Variants in PTPRD observed in about 807,000 individuals in gnomAD.
PTPRD encodes the protein receptor-type tyrosine-protein phosphatase delta.
In PTPRD, 34 loss-of-function variants were observed where a neutral mutation model predicts 214.5. That is an observed-to-expected ratio of 0.16 (90% CI 0.12 to 0.21). The LOEUF (loss-of-function observed/expected upper bound fraction) is 0.21, where lower values mean the gene tolerates loss of function less well. PTPRD is among the 10% of genes least tolerant of loss of function. The probability of loss-of-function intolerance (pLI) is 1.00; values close to 1 mark genes in which losing one functional copy is unlikely to be tolerated. For synonymous variants in PTPRD, 1,128 were observed against 845.7 expected, an observed-to-expected ratio of 1.33 and a Z score of -5.79; for missense variants, 2,545 against 2,398.7, an observed-to-expected ratio of 1.06 and a Z score of -1.27.
chr9:9,907,749 C>T (rs924337654), intron 5 of PTPRD, among the ~76,000 whole-genome samples: 11 of 151,894 alleles, frequency 7.2e-5, no homozygotes, highest in African/African-American at 2.4e-4. Context: ...CCACCATTTA[C>T]ACAATTAATC....
intron 11 of PTPRD, among the ~76,000 whole-genome samples, chr9:8,748,522 C>CAAAAAAAAAAAAAAAAAAAAAAAAAAAA (rs1239091825): frequency 2.6e-5 from 1 of 37,860 alleles, no homozygotes; most frequent in African/African-American, 7.2e-5. Context: ...CCTGCAACTG[C>CAAAAAAAAAAAAAAAAAAAAAAAAAAAA]AAAAAAAAAA....
At chr9:9,809,796 G>A (rs935645306) in intron 5 of PTPRD, among the ~76,000 whole-genome samples, 2 of 152,136 alleles carry the variant, frequency 1.3e-5, no homozygotes, top group Non-Finnish European at 2.9e-5. Flanking sequence ...ATCAGGGACA[G>A]GAAATCAGAA....
intron 7 of PTPRD, among the ~76,000 whole-genome samples, chr9:9,637,971 C>A (rs1028792732): frequency 1.1e-4 from 16 of 152,156 alleles, no homozygotes; most frequent in African/African-American, 3.6e-4. Flanking sequence ...ACAGCTCATG[C>A]CTTAGGTCCC....
chr9:10,242,277 T>C (rs2091230167), intron 3 of PTPRD, among the ~76,000 whole-genome samples: 1 of 152,010 alleles, frequency 6.6e-6, no homozygotes, highest in South Asian at 2.1e-4. Flanking sequence ...TTCTGCTTTT[T>C]CTTTGTTTTA....
intron 7 of PTPRD, among the ~76,000 whole-genome samples, chr9:9,724,740 T>A (rs1262574227): frequency 6.6e-6 from 1 of 152,182 alleles, no homozygotes. Context: ...GCATGTAATA[T>A]CTTTACAACT....
intron 8 of PTPRD, among the ~76,000 whole-genome samples, chr9:9,562,895 T>C (rs1004317297): frequency 1.3e-5 from 2 of 152,196 alleles, no homozygotes; most frequent in African/African-American, 4.8e-5. Flanking sequence ...CACACTGGAA[T>C]CCAAGCTCCA....
intron 10 of PTPRD, among the ~76,000 whole-genome samples, chr9:9,043,805 G>T (rs2099655116): frequency 1.3e-5 from 2 of 152,022 alleles, no homozygotes. Flanking sequence ...CCAGGAGGCT[G>T]AAGCAGGAGA....
chr9:8,818,814 T>C (rs1272409097), intron 11 of PTPRD, among the ~76,000 whole-genome samples: 1 of 152,240 alleles, frequency 6.6e-6, no homozygotes, highest in Non-Finnish European at 1.5e-5. Flanking sequence ...TTTCAAATCA[T>C]TTGGCCATTT....
intron 2 of PTPRD, among the ~76,000 whole-genome samples, chr9:10,363,324 A>G (rs2097432459): frequency 6.6e-6 from 1 of 152,220 alleles, no homozygotes; most frequent in Non-Finnish European, 1.5e-5. Flanking sequence ...TATGACTTTC[A>G]GCTTTAAGTA....
intron 11 of PTPRD, among the ~76,000 whole-genome samples, chr9:8,968,097 T>A (rs527909937): frequency 1.3e-5 from 2 of 152,280 alleles, no homozygotes; most frequent in East Asian, 3.9e-4. Context: ...TCCCTTTTTA[T>A]GGCTGCATAG....
intron 7 of PTPRD, among the ~76,000 whole-genome samples, chr9:9,697,674 G>T (rs896460157): frequency 2.0e-5 from 3 of 151,996 alleles, no homozygotes; most frequent in Non-Finnish European, 4.4e-5. Flanking sequence ...TTTTATCTGG[G>T]TGAAATCTGT....
At chr9:9,042,077 T>C (rs2099641661) in intron 10 of PTPRD, among the ~76,000 whole-genome samples, 1 of 152,188 alleles carries the variant, frequency 6.6e-6, no homozygotes, top group African/African-American at 2.4e-5. Flanking sequence ...CTGGCTATTG[T>C]GACTAGACCT....
At chr9:9,773,250 A>G (rs1365930677) in intron 5 of PTPRD, among the ~76,000 whole-genome samples, 1 of 152,150 alleles carries the variant, frequency 6.6e-6, no homozygotes, top group East Asian at 1.9e-4. Context: ...TATAAATCAG[A>G]GTAAAACACT....
At chr9:10,075,494 T>C (rs1320126962) in intron 3 of PTPRD, among the ~76,000 whole-genome samples, 1 of 151,974 alleles carries the variant, frequency 6.6e-6, no homozygotes, top group African/African-American at 2.4e-5. Context: ...TATTATTTTA[T>C]GAAATAAATA....
At chr9:8,825,712 G>C (rs2097161885) in intron 11 of PTPRD, among the ~76,000 whole-genome samples, 1 of 152,140 alleles carries the variant, frequency 6.6e-6, no homozygotes, top group Non-Finnish European at 1.5e-5. Context: ...CAGCCATGAG[G>C]GCTGCTGGTT....
chr9:8,564,546 C>T (rs539571876), intron 14 of PTPRD, among the ~76,000 whole-genome samples: 1 of 152,008 alleles, frequency 6.6e-6, no homozygotes, highest in African/African-American at 2.4e-5. Context: ...ACTAAAAATA[C>T]AAAAAATTAG....
chr9:8,524,499 A>G (rs149512703), intron 18 of PTPRD, among the ~76,000 whole-genome samples: 401 of 152,294 alleles, frequency 2.6e-3, no homozygotes, highest in Middle Eastern at 0.014. Flanking sequence ...GGTCATGAAG[A>G]CATAAACACC....
At chr9:9,198,972 C>A (rs1209344423) in intron 9 of PTPRD, among the ~76,000 whole-genome samples, 1 of 152,084 alleles carries the variant, frequency 6.6e-6, no homozygotes, top group African/African-American at 2.4e-5. Context: ...AAATTCTCAG[C>A]CATGGCAGGA....
At chr9:9,372,391 C>T (rs536472362) in intron 9 of PTPRD, among the ~76,000 whole-genome samples, 1 of 151,976 alleles carries the variant, frequency 6.6e-6, no homozygotes, top group African/African-American at 2.4e-5. Flanking sequence ...CTCTTTTGAT[C>T]TTTGTTGGTT....
Sources: allele counts gnomAD v4.1 joint callset (sites outside exome capture counted in the v4.1 genomes callset), GRCh38; gene constraint gnomAD v4.1.1; transcripts MANE v1.5; gene names NCBI Gene and HGNC (gene_info 2026-07-23, HGNC 2026-07-21).